Variants in RFX2 observed in about 807,000 individuals in gnomAD.
RFX2 encodes the protein regulatory factor X2.
RFX2 carries 20 observed loss-of-function variants against 87.8 expected under a neutral mutation model. The observed-to-expected ratio is 0.23, with a 90% CI of 0.16 to 0.33. The LOEUF is 0.33. Ranked by LOEUF, RFX2 falls within the 10% of genes least tolerant of loss-of-function variation. RFX2 has a pLI of 1.00. For missense variants in RFX2, 767 were observed against 1,012.3 expected (o/e 0.76, Z 3.29); for synonymous variants, 397 against 431.3 (o/e 0.92, Z 0.98).
rs142134506 is a variant in RFX2 at position 6,044,752 on chromosome 19, G to A, written c.91-470C>T. ...GGGAGAGCACTCTGTGGCGCCCCTC[G>A]CTTCTGCAGTATAACCCGGACTTGT... On this transcript the variant is annotated intron_variant, in intron 2 of 17. Transcript: ENST00000303657. This position sits in a 1 kb window ranked among gnomAD's most constrained non-coding sequence, Gnocchi z 5.3. 2.2e-3 allele frequency among the ~76,000 whole-genome samples: 339 copies of A among 152,320 alleles called. 1 individual carries two copies. The highest frequency in any genetic ancestry group is 3.6e-3 in the Non-Finnish European group (242 of 68,020).
At chr19:6,076,839 T>C (rs1451029396) in intron 1 of RFX2, among the ~76,000 whole-genome samples, 1 of 152,252 alleles carries the variant, frequency 6.6e-6, no homozygotes, top group African/African-American at 2.4e-5. Context: ...CCTCCTGCTA[T>C]GAGCTATATT....
At position 6,043,090 on chromosome 19, in the gene RFX2, C is replaced by CT. The variant is rs2087134426; in HGVS notation, c.181-968dup. ...AATCACAAGTTCCAGGGGTTAACAT[C>CT]TGTTGGGTGATGCCCCAGGGGTGGA... On this transcript the variant is annotated intron_variant, in intron 3 of 17. Coordinates refer to ENST00000303657, the MANE Select transcript of RFX2 (RefSeq NM_000635.4). 2.0e-5 allele frequency among the ~76,000 whole-genome samples: 3 copies of CT among 152,216 alleles called. No homozygotes were observed. In the South Asian group the frequency reaches 6.2e-4, roughly 31 times the overall value.
chr19:6,015,939 C>G, intron 7 of RFX2, 151 bp downstream of exon 7: 2 of 635,996 alleles, frequency 3.1e-6, no homozygotes, highest in Non-Finnish European at 4.9e-6. Context: ...ACAGCCAAGG[C>G]TGCCGCCAAT....
At position 6,036,757 on chromosome 19, in the gene RFX2, T is replaced by G. The variant is rs543824070; in HGVS notation, c.522+3223A>C. Among the ~76,000 whole-genome samples the G allele has an allele frequency of 4.6e-5, 7 of 152,268 alleles. No homozygotes were observed. In the South Asian group the frequency reaches 1.4e-3, roughly 32 times the overall value. On this transcript the variant is annotated intron_variant, in intron 5 of 17. Transcript: ENST00000303657. The stretch of plus-strand genomic sequence containing the variant: ...TCCTCAACCTGAAAAAGGGCATCTG[T>G]GAAAAACCCACAGCTAACATCACAT...
At chr19:6,051,279 CTTAAT>C (rs2087262629) in intron 1 of RFX2, among the ~76,000 whole-genome samples, 1 of 152,042 alleles carries the variant, frequency 6.6e-6, no homozygotes, top group Non-Finnish European at 1.5e-5. Flanking sequence ...CTTTTCTTCT[CTTAAT>C]TTATTTTAAA....
rs533273616 is a variant in RFX2 at position 6,108,837 on chromosome 19, G to C, written c.-9+1556C>G. On this transcript the variant is annotated intron_variant, in intron 1 of 17. Transcript: ENST00000303657. ...GCGCCGGCAGCCGCCAGAATGGCCC[G>C]GGCGCTTGGGGCCCTCGGGGGCCCT... Among the ~76,000 whole-genome samples the C allele has an allele frequency of 4.3e-4, 65 of 152,308 alleles. No homozygotes were observed. In the South Asian group the frequency reaches 0.013, roughly 30 times the overall value.
intron 7 of RFX2, among the ~76,000 whole-genome samples, chr19:6,015,076 TG>T (rs2086707228): frequency 6.6e-6 from 1 of 152,140 alleles, no homozygotes; most frequent in South Asian, 2.1e-4. Context: ...TGGCCTGTGA[TG>T]TCCCGGGGCT....
intron 1 of RFX2, among the ~76,000 whole-genome samples, chr19:6,087,846 C>T (rs968856655): frequency 2.0e-5 from 3 of 152,148 alleles, no homozygotes; most frequent in Admixed American, 6.5e-5. Flanking sequence ...AGGTGGACAG[C>T]GTGTTTTGAT....
At position 6,022,297 on chromosome 19, in the gene RFX2, C is replaced by T. The variant is rs894837832; in HGVS notation, c.597+3866G>A. ...CCCCACTGTGGCCTGCAGGACAGCA[C>T]GGCCATCGTGCCAGGCTACACAGGT... On this transcript the variant is annotated intron_variant, in intron 6 of 17. Transcript: ENST00000303657. This position sits in a 1 kb window ranked among gnomAD's most constrained non-coding sequence, Gnocchi z 6.2. Among the ~76,000 whole-genome samples the T allele has an allele frequency of 3.9e-5, 6 of 152,228 alleles. No homozygotes were observed. The highest frequency in any genetic ancestry group is 1.3e-4 in the Admixed American group (2 of 15,284).
At chr19:6,070,398 C>T (rs914254505) in intron 1 of RFX2, among the ~76,000 whole-genome samples, 1 of 152,018 alleles carries the variant, frequency 6.6e-6, no homozygotes, top group African/African-American at 2.4e-5. Flanking sequence ...GGGTCCTGGT[C>T]CCCAGTCCCA....
At chr19:6,005,342 T>G (rs1239190245) in intron 12 of RFX2, among the ~76,000 whole-genome samples, 1 of 152,168 alleles carries the variant, frequency 6.6e-6, no homozygotes, top group Non-Finnish European at 1.5e-5. Flanking sequence ...TGCATATTTG[T>G]GGATGGCCTG....
rs2086810120 is a variant in RFX2 at position 6,021,510 on chromosome 19, G to A, written c.597+4653C>T. On this transcript the variant is annotated intron_variant, in intron 6 of 17. Coordinates refer to ENST00000303657, the MANE Select transcript of RFX2 (RefSeq NM_000635.4). The surrounding 1 kb of genome is among the most constrained non-coding windows in gnomAD (Gnocchi z 5.7). ...GACTGCAACGGTATAGTAAGTTGAG[G>A]TGGGGTGGGGGTGTCAGGCAGGGCT... Among the ~76,000 whole-genome samples, 1 of 152,192 alleles carries A rather than the reference G, an allele frequency of 6.6e-6. No individual in the cohort carries two copies. Among genetic ancestry groups the A allele is most frequent in the African/African-American group, 2.4e-5 (1 of 41,444 alleles).
At chr19:5,996,934 C>T in intron 16 of RFX2, 126 bp downstream of exon 16, 1 of 989,252 alleles carries the variant, frequency 1.0e-6, no homozygotes, top group East Asian at 2.6e-5. Flanking sequence ...TATCGAGCTG[C>T]AGCTCTGTCC....
intron 1 of RFX2, among the ~76,000 whole-genome samples, chr19:6,100,902 C>A (rs1354697629): frequency 7.0e-6 from 1 of 143,036 alleles, no homozygotes. Flanking sequence ...TAATCATATC[C>A]ATTTCCAGAA....
rs10425536 is a variant in RFX2, at chr19:6,086,833, T to C, written c.-9+23560A>G. ...ACTCTACAGAGATACAAACATCACA[T>C]GGGCACCTCTGCCTTTTCTGTTTAC... On this transcript the variant is annotated intron_variant, in intron 1 of 17. Coordinates refer to ENST00000303657, the MANE Select transcript of RFX2 (RefSeq NM_000635.4). 4.5e-4 allele frequency among the ~76,000 whole-genome samples: 68 copies of C among 152,288 alleles called. 2 individuals carry two copies. In the South Asian group the frequency reaches 0.013, roughly 29 times the overall value.
chr19:6,040,010 C>T lies in RFX2; in HGVS notation c.492G>A (p.Leu164=). The T allele has an allele frequency of 6.2e-7, 1 of 1,601,518 alleles. No homozygotes were observed. Among genetic ancestry groups the T allele is most frequent in the Non-Finnish European group, 8.5e-7 (1 of 1,173,658 alleles). The change falls in exon 5 of 18, where the codon CTG becomes CTA. Residue 164 remains leucine (L), a synonymous_variant. Coordinates refer to ENST00000303657, the MANE Select transcript of RFX2 (RefSeq NM_000635.4). The surrounding 1 kb of genome is among the most constrained non-coding windows in gnomAD (Gnocchi z 6.1). Reference sequence around the variant, plus strand: ...CGGGCGATGAGCGGGAGGTGTGGGCCAGGGAGTGTCTGGTGCTGTCCATCC... The same window carrying T: ...CGGGCGATGAGCGGGAGGTGTGGGCTAGGGAGTGTCTGGTGCTGTCCATCC... ...HGGMDSTRHS[L]AHTSRSSPAT... is the part of the protein sequence containing the mutation.
intron 1 of RFX2, among the ~76,000 whole-genome samples, chr19:6,054,234 CA>C (rs1359580305): frequency 6.6e-6 from 1 of 151,804 alleles, no homozygotes; most frequent in Non-Finnish European, 1.5e-5. Context: ...ATACATATAA[CA>C]AAAAAATTGA....
chr19:6,051,833 A>G (rs1258381557), intron 1 of RFX2, among the ~76,000 whole-genome samples: 2 of 152,174 alleles, frequency 1.3e-5, no homozygotes, highest in Non-Finnish European at 2.9e-5. Context: ...GTTGAAAGTA[A>G]TAGAATAAAA....
chr19:6,045,649 C>T lies in RFX2; in HGVS notation c.91-1367G>A, dbSNP rs866362833. Among the ~76,000 whole-genome samples, 4 of 151,822 alleles carry T rather than the reference C, an allele frequency of 2.6e-5. No homozygotes were observed. Among genetic ancestry groups the T allele is most frequent in the Non-Finnish European group, 5.9e-5 (4 of 67,992 alleles). ...TTCACTGTCTGCCTTTTTGTTTTTG[C>T]GGAATTGTGTTTTTTTGTTTTTGTT... is the stretch of plus-strand genomic sequence containing the variant. On this transcript the variant is annotated intron_variant, in intron 2 of 17. Transcript: ENST00000303657. This position sits in a 1 kb window ranked among gnomAD's most constrained non-coding sequence, Gnocchi z 5.2.
Sources: gnomAD v4.1 joint callset for allele counts (sites outside exome capture counted in the v4.1 genomes callset) on GRCh38, gnomAD v4.1.1 for gene constraint, Gnocchi (gnomAD v3.1) non-coding constraint, MANE v1.5 for transcripts, NCBI Gene and HGNC (gene_info 2026-07-23, HGNC 2026-07-21) for gene names.